Variants in PDE4D observed in about 807,000 individuals in gnomAD.
PDE4D encodes the protein phosphodiesterase 4D.
PDE4D carries 24 observed loss-of-function variants against 87.4 expected under a neutral mutation model. That is an observed-to-expected ratio of 0.27 (90% confidence interval 0.20 to 0.39). The LOEUF (loss-of-function observed/expected upper bound fraction) is 0.39, where lower values mean the gene tolerates loss of function less well. Among genes scored for constraint, PDE4D ranks in the 10% least tolerant of loss-of-function variants. The probability of loss-of-function intolerance (pLI) is 1.00; values close to 1 mark genes in which losing one functional copy is unlikely to be tolerated. For missense variants in PDE4D, 714 were observed against 1,041.0 expected (o/e 0.69, Z 4.32); for synonymous variants, 384 against 383.2 (o/e 1.00, Z -0.02).
rs181243763 is a variant in PDE4D at position 60,469,849 on chromosome 5, C to A, written c.-90+18093G>T. The stretch of plus-strand genomic sequence containing the variant: ...CCAGAAATCTCTCCTCTCCTCAGGT[C>A]TCCTTCTCCCTGAGACACAACAATA... On this transcript the variant is annotated intron_variant, in intron 1 of 16. Coordinates refer to the PDE4D transcript ENST00000502484. 4.2e-4 allele frequency among the ~76,000 whole-genome samples: 64 copies of A among 152,268 alleles called. 1 individual carries two copies. Among genetic ancestry groups the A allele is most frequent in the African/African-American group, 1.5e-3 (63 of 41,548 alleles).
At chr5:59,615,647 G>A (rs997196444) in intron 1 of PDE4D, among the ~76,000 whole-genome samples, 6 of 152,164 alleles carry the variant, frequency 3.9e-5, no homozygotes, top group African/African-American at 1.4e-4. Context: ...CTTCAATTGT[G>A]AGGAAGAAAA....
intron 2 of PDE4D, among the ~76,000 whole-genome samples, chr5:59,215,077 C>A (rs533274772): frequency 6.6e-6 from 1 of 152,194 alleles, no homozygotes; most frequent in South Asian, 2.1e-4. Context: ...AGAATAAAGA[C>A]CTATGTAGAA....
chr5:59,427,817 C>CAAAAAA (rs11356537), intron 1 of PDE4D, among the ~76,000 whole-genome samples: 3 of 66,674 alleles, frequency 4.5e-5, no homozygotes, highest in Non-Finnish European at 3.9e-5. Flanking sequence ...GACCCTGTCT[C>CAAAAAA]AAAAAAAAAA....
intron 1 of PDE4D, among the ~76,000 whole-genome samples, chr5:60,261,089 CATTATT>C (rs1749601288): frequency 6.6e-6 from 1 of 152,060 alleles, no homozygotes. Context: ...AGACTGGAAA[CATTATT>C]ATATTGAATT....
intron 2 of PDE4D, among the ~76,000 whole-genome samples, chr5:60,176,348 C>CT (rs951048202): frequency 2.0e-5 from 3 of 151,750 alleles, no homozygotes; most frequent in Admixed American, 6.6e-5. Flanking sequence ...TTTGCTGGTG[C>CT]TTTTTTTTAA....
chr5:59,709,283 T>C (rs1439392215), intron 1 of PDE4D, among the ~76,000 whole-genome samples: 1 of 152,098 alleles, frequency 6.6e-6, no homozygotes, highest in Non-Finnish European at 1.5e-5. Context: ...AAACAGAAAA[T>C]CTAAACTCTC....
chr5:60,244,139 T>G (rs1054923859), intron 1 of PDE4D, among the ~76,000 whole-genome samples: 2 of 152,064 alleles, frequency 1.3e-5, no homozygotes, highest in African/African-American at 4.8e-5. Context: ...GAAAAATTAG[T>G]AGCATTTCTA....
intron 1 of PDE4D, among the ~76,000 whole-genome samples, chr5:59,484,798 T>G (rs989632776): frequency 6.6e-6 from 1 of 152,328 alleles, no homozygotes; most frequent in South Asian, 2.1e-4. Context: ...CTGGCTCTAG[T>G]GAAACCATTT....
intron 1 of PDE4D, among the ~76,000 whole-genome samples, chr5:59,244,152 G>A (rs1758270526): frequency 6.6e-6 from 1 of 151,826 alleles, no homozygotes; most frequent in Non-Finnish European, 1.5e-5. Flanking sequence ...TATACAGGCT[G>A]GGCATGTTGG....
At chr5:60,292,109 A>G (rs751268836) in intron 1 of PDE4D, among the ~76,000 whole-genome samples, 41 of 152,206 alleles carry the variant, frequency 2.7e-4, no homozygotes, top group Non-Finnish European at 4.9e-4. Flanking sequence ...ACAAGTGCAT[A>G]TTGAAAACTA....
chr5:60,327,079 T>C (rs6891047), intron 1 of PDE4D, among the ~76,000 whole-genome samples: 8,379 of 152,136 alleles, frequency 0.055, 774 homozygotes, highest in African/African-American at 0.19. Context: ...AGAGGCAAAA[T>C]TTCACCTCTG....
intron 1 of PDE4D, among the ~76,000 whole-genome samples, chr5:59,605,051 GAGA>G (rs900099631): frequency 6.6e-6 from 1 of 151,948 alleles, no homozygotes; most frequent in Non-Finnish European, 1.5e-5. Flanking sequence ...AATTCCTGGG[GAGA>G]AGGTCAGACC....
intron 3 of PDE4D, among the ~76,000 whole-genome samples, chr5:59,985,284 A>C (rs1172079675): frequency 6.6e-6 from 1 of 151,670 alleles, no homozygotes; most frequent in African/African-American, 2.4e-5. Flanking sequence ...GACTGCAGGC[A>C]CACACTGCCA....
At chr5:59,821,397 T>C (rs1769648699) in intron 1 of PDE4D, among the ~76,000 whole-genome samples, 2 of 152,268 alleles carry the variant, frequency 1.3e-5, no homozygotes, top group Non-Finnish European at 2.9e-5. Context: ...AATTATGGCT[T>C]ATTTAAAATA....
chr5:60,319,970 C>G (rs1027131229), intron 1 of PDE4D, among the ~76,000 whole-genome samples: 1 of 152,204 alleles, frequency 6.6e-6, no homozygotes, highest in Non-Finnish European at 1.5e-5. Flanking sequence ...TCTCAGATCT[C>G]CAGCTGCGTG....
intron 1 of PDE4D, among the ~76,000 whole-genome samples, chr5:59,853,773 T>C (rs1439141973): frequency 6.6e-6 from 1 of 152,072 alleles, no homozygotes; most frequent in Non-Finnish European, 1.5e-5. Context: ...AATATACATG[T>C]TACACATTTG....
intron 1 of PDE4D, among the ~76,000 whole-genome samples, chr5:60,297,240 T>C (rs886137303): frequency 3.9e-5 from 6 of 152,198 alleles, no homozygotes; most frequent in Non-Finnish European, 5.9e-5. Context: ...TCAAAATTCA[T>C]AGATACTAAA....
chr5:60,340,161 G>T (rs938748830), intron 1 of PDE4D, among the ~76,000 whole-genome samples: 1 of 151,550 alleles, frequency 6.6e-6, no homozygotes, highest in Non-Finnish European at 1.5e-5. Flanking sequence ...GGCCCACGGC[G>T]CGATGTTCAG....
chr5:59,628,534 T>C (rs1350948430), intron 1 of PDE4D, among the ~76,000 whole-genome samples: 1 of 152,160 alleles, frequency 6.6e-6, no homozygotes, highest in African/African-American at 2.4e-5. Context: ...GATTCTTTTT[T>C]AGATACTTAT....
Sources: gnomAD v4.1 joint callset for allele counts (sites outside exome capture counted in the v4.1 genomes callset) on GRCh38, gnomAD v4.1.1 for gene constraint, MANE v1.5 for transcripts, NCBI Gene and HGNC (gene_info 2026-07-23, HGNC 2026-07-21) for gene names.